The following MMP16 variants were observed in gnomAD, a reference collection of about 807,000 sequenced individuals.
MMP16 encodes matrix metalloproteinase-16.
In MMP16, 12 loss-of-function variants were observed where a neutral mutation model predicts 67.8. The observed-to-expected ratio is 0.18, with a 90% CI of 0.11 to 0.29. MMP16 has a LOEUF of 0.29. Among genes scored for constraint, MMP16 ranks in the 10% least tolerant of loss-of-function variants. MMP16 has a pLI of 1.00. For synonymous variants in MMP16, 249 were observed against 255.9 expected (o/e 0.97, Z 0.26); for missense variants, 475 against 765.7 (o/e 0.62, Z 4.48).
chr8:88,132,227 A>C (rs1469367339), intron 4 of MMP16, among the ~76,000 whole-genome samples: 1 of 151,514 alleles, frequency 6.6e-6, no homozygotes, highest in East Asian at 1.9e-4. Flanking sequence ...AAATTTCAAT[A>C]CTTGAAAACC....
At chr8:88,321,075 C>T (rs1811452890) in intron 1 of MMP16, among the ~76,000 whole-genome samples, 1 of 152,154 alleles carries the variant, frequency 6.6e-6, no homozygotes, top group South Asian at 2.1e-4. Context: ...ACTTAGCATT[C>T]TGTCCTTTTA....
intron 4 of MMP16, among the ~76,000 whole-genome samples, chr8:88,153,260 G>A (rs1248968440): frequency 8.5e-5 from 13 of 152,198 alleles, no homozygotes; most frequent in African/African-American, 2.9e-4. Flanking sequence ...TGGGTAGGAA[G>A]AATCAATATA....
At chr8:88,118,953 G>A in intron 4 of MMP16, 92 bp from the exon 5 acceptor site, 2 of 1,189,810 alleles carry the variant, frequency 1.7e-6, no homozygotes, top group African/African-American at 1.6e-5. Flanking sequence ...TTTTACCCAA[G>A]AAAAATAGGA....
chr8:88,232,890 T>C (rs904521168), intron 1 of MMP16, among the ~76,000 whole-genome samples: 1 of 152,124 alleles, frequency 6.6e-6, no homozygotes, highest in African/African-American at 2.4e-5. Flanking sequence ...AAACCCCATC[T>C]TGAAAAATAG....
intron 6 of MMP16, 28 bp downstream of exon 6, chr8:88,116,479 T>TAAAA: frequency 7.9e-7 from 1 of 1,267,606 alleles, no homozygotes; most frequent in South Asian, 1.3e-5. Context: ...GATCTACTGT[T>TAAAA]AAAAAAAAAA....
intron 3 of MMP16, among the ~76,000 whole-genome samples, chr8:88,170,352 T>C (rs1039456312): frequency 6.6e-6 from 1 of 152,230 alleles, no homozygotes; most frequent in African/African-American, 2.4e-5. Flanking sequence ...TACACTGAGA[T>C]AGCACAGACA....
chr8:88,132,847 A>G (rs1435912600), intron 4 of MMP16, among the ~76,000 whole-genome samples: 1 of 151,886 alleles, frequency 6.6e-6, no homozygotes, highest in Non-Finnish European at 1.5e-5. Context: ...ACAATAGTGA[A>G]TGCTACCACT....
At chr8:88,196,557 C>A (rs1011975626) in intron 2 of MMP16, among the ~76,000 whole-genome samples, 13 of 151,944 alleles carry the variant, frequency 8.6e-5, no homozygotes, top group Admixed American at 2.0e-4. Flanking sequence ...CATTAAAAAG[C>A]AAAATTATTA....
chr8:88,306,772 A>G (rs1300746391), intron 1 of MMP16, among the ~76,000 whole-genome samples: 1 of 152,168 alleles, frequency 6.6e-6, no homozygotes. Context: ...TATTGAAGAA[A>G]TACACTGTAA....
intron 1 of MMP16, among the ~76,000 whole-genome samples, chr8:88,289,420 T>C (rs1177217429): frequency 6.6e-6 from 1 of 152,184 alleles, no homozygotes; most frequent in East Asian, 1.9e-4. Context: ...AGATGACCCA[T>C]AAAGTATGTC....
At chr8:88,052,380 T>G (rs1808281642) in intron 8 of MMP16, among the ~76,000 whole-genome samples, 1 of 150,834 alleles carries the variant, frequency 6.6e-6, no homozygotes, top group African/African-American at 2.5e-5. Flanking sequence ...GAGGACAACT[T>G]GTTATCATAC....
At chr8:88,208,378 C>T (rs1427884696) in intron 1 of MMP16, among the ~76,000 whole-genome samples, 3 of 152,176 alleles carry the variant, frequency 2.0e-5, no homozygotes, top group Non-Finnish European at 4.4e-5. Flanking sequence ...TCCATTTATG[C>T]TTTGTCCCTG....
At chr8:88,125,313 G>A (rs1807908887) in intron 4 of MMP16, among the ~76,000 whole-genome samples, 1 of 151,544 alleles carries the variant, frequency 6.6e-6, no homozygotes, top group Non-Finnish European at 1.5e-5. Flanking sequence ...CAATTAAAGA[G>A]GTTTGCTGGG....
chr8:88,096,094 A>G (rs1203202920), intron 6 of MMP16, among the ~76,000 whole-genome samples: 1 of 152,000 alleles, frequency 6.6e-6, no homozygotes, highest in African/African-American at 2.4e-5. Context: ...AAACCCAGAG[A>G]GCTTGAAAGA....
chr8:88,184,167 T>C (rs1809029515), intron 3 of MMP16, among the ~76,000 whole-genome samples: 2 of 152,286 alleles, frequency 1.3e-5, no homozygotes, highest in African/African-American at 4.8e-5. Context: ...TCTATATTAC[T>C]GCTAAGACAG....
At chr8:88,302,858 A>G (rs2130046892) in intron 1 of MMP16, among the ~76,000 whole-genome samples, 1 of 152,310 alleles carries the variant, frequency 6.6e-6, no homozygotes, top group Non-Finnish European at 1.5e-5. Context: ...AGCTCGACCC[A>G]TAGAGAATGA....
chr8:88,303,877 A>T (rs1387150949), intron 1 of MMP16, among the ~76,000 whole-genome samples: 1 of 152,126 alleles, frequency 6.6e-6, no homozygotes, highest in Non-Finnish European at 1.5e-5. Context: ...AATACTGAAA[A>T]CTCAAAAAGC....
intron 6 of MMP16, among the ~76,000 whole-genome samples, chr8:88,092,764 G>T (rs1808959407): frequency 6.6e-6 from 1 of 151,762 alleles, no homozygotes; most frequent in Admixed American, 6.6e-5. Context: ...TTCCCAATTT[G>T]ATCTTTGCCA....
At chr8:88,266,175 A>G (rs1810473885) in intron 1 of MMP16, among the ~76,000 whole-genome samples, 1 of 152,106 alleles carries the variant, frequency 6.6e-6, no homozygotes, top group African/African-American at 2.4e-5. Flanking sequence ...AACACTTCCT[A>G]ATTCTCTCAC....
Sources: allele counts gnomAD v4.1 joint callset (sites outside exome capture counted in the v4.1 genomes callset), GRCh38; gene constraint gnomAD v4.1.1; transcripts MANE v1.5; gene names NCBI Gene and HGNC (gene_info 2026-07-23, HGNC 2026-07-21).